VPS35L: variants seen among roughly 807,000 people sequenced by gnomAD.
VPS35L encodes VPS35 endosomal protein sorting factor like.
A neutral mutation model predicts 133.0 loss-of-function variants in VPS35L; 83 were observed. That is an observed-to-expected ratio of 0.62 (90% CI 0.52 to 0.75). The LOEUF (loss-of-function observed/expected upper bound fraction) is 0.75. Ranked by LOEUF, VPS35L falls within the 30% of genes least tolerant of loss-of-function variation. The pLI, the probability that VPS35L is intolerant of heterozygous loss-of-function variation, is 0.00. For missense variants in VPS35L, 1,083 were observed against 1,206.8 expected (o/e 0.90, Z 1.52); for synonymous variants, 423 against 449.9 (o/e 0.94, Z 0.76).
chr16:19,589,013 C>T (rs192402397), intron 7 of VPS35L, among the ~76,000 whole-genome samples: 319 of 152,246 alleles, frequency 2.1e-3, no homozygotes, highest in African/African-American at 7.3e-3. Flanking sequence ...TGCAGTTCCT[C>T]GATTACTAAT....
chr16:19,686,413 T>C (rs1330989944), intron 28 of VPS35L, among the ~76,000 whole-genome samples: 1 of 152,210 alleles, frequency 6.6e-6, no homozygotes, highest in East Asian at 1.9e-4. Flanking sequence ...ATGTTTGATG[T>C]AGAAGTGAAG....
chr16:19,610,287 C>G, intron 11 of VPS35L, 35 bp from the exon 12 acceptor site: 1 of 1,553,236 alleles, frequency 6.4e-7, no homozygotes, highest in Non-Finnish European at 8.9e-7. Context: ...GTTCTCACGT[C>G]GAATATAATG....
intron 4 of VPS35L, 75 bp from the exon 5 acceptor site, chr16:19,575,023 A>G: frequency 7.9e-7 from 1 of 1,268,380 alleles, no homozygotes; most frequent in Non-Finnish European, 1.1e-6. Flanking sequence ...TTGGGTATGT[A>G]AATGGCTCTG....
intron 1 of VPS35L, among the ~76,000 whole-genome samples, 161 bp from the exon 2 acceptor site, chr16:19,564,690 C>T (rs541571880): frequency 1.3e-5 from 2 of 152,300 alleles, no homozygotes; most frequent in African/African-American, 2.4e-5. Context: ...TGAGCCACTG[C>T]GCCTGGCCAA....
intron 28 of VPS35L, among the ~76,000 whole-genome samples, chr16:19,689,912 A>G (rs934039633): frequency 6.6e-6 from 1 of 152,064 alleles, no homozygotes; most frequent in Non-Finnish European, 1.5e-5. Context: ...ACGAAGATTT[A>G]TTTTATTTTG....
chr16:19,615,631 CA>C (rs1972861705), intron 12 of VPS35L, among the ~76,000 whole-genome samples: 1 of 148,402 alleles, frequency 6.7e-6, no homozygotes, highest in African/African-American at 2.5e-5. Context: ...CCCTGGGCAA[CA>C]GAGCGAGACT....
At chr16:19,622,725 C>G (rs1020098245) in intron 14 of VPS35L, among the ~76,000 whole-genome samples, 1 of 152,152 alleles carries the variant, frequency 6.6e-6, no homozygotes, top group Non-Finnish European at 1.5e-5. Context: ...CTCTTTTCCT[C>G]TCTTAGCCTT....
At chr16:19,681,733 A>G (rs1390240463) in intron 27 of VPS35L, among the ~76,000 whole-genome samples, 1 of 152,096 alleles carries the variant, frequency 6.6e-6, no homozygotes, top group East Asian at 1.9e-4. Context: ...ACCGTTGTTG[A>G]GCATCCCAAA....
Position 19,633,586 on chromosome 16 carries a change from C to T in VPS35L, c.1635+414C>T, listed in dbSNP as rs555283648. ...GGCTGGAGTGCAGTGGTGCGATCACCGCTTGGCACAGCCTCGACTTCCTGG... is the reference window on the plus strand; with the variant it reads ...GGCTGGAGTGCAGTGGTGCGATCACTGCTTGGCACAGCCTCGACTTCCTGG... On this transcript the variant is annotated intron_variant, in intron 19 of 30. Coordinates refer to ENST00000417362, the MANE Select transcript of VPS35L (RefSeq NM_020314.7). The surrounding 1 kb of genome is among the most constrained non-coding windows in gnomAD (Gnocchi z 4.1). Among the ~76,000 whole-genome samples the T allele has an allele frequency of 4.3e-3, 650 of 151,536 alleles. 2 individuals are homozygous for T. The highest frequency in any genetic ancestry group is 7.9e-3 in the Non-Finnish European group (533 of 67,886).
chr16:19,635,165 C>A (rs997087604), intron 19 of VPS35L, among the ~76,000 whole-genome samples: 2 of 151,828 alleles, frequency 1.3e-5, no homozygotes, highest in African/African-American at 4.8e-5. Flanking sequence ...ATAGCAAGAC[C>A]CTATCTCTGC....
chr16:19,626,364 C>G, intron 15 of VPS35L, 141 bp downstream of exon 15: 1 of 733,406 alleles, frequency 1.4e-6, no homozygotes, highest in Non-Finnish European at 2.4e-6. Flanking sequence ...AGTCCGGTTG[C>G]CTGGCCTCAG....
At chr16:19,645,443 C>T (rs1216478293) in intron 23 of VPS35L, among the ~76,000 whole-genome samples, 2 of 152,128 alleles carry the variant, frequency 1.3e-5, no homozygotes, top group Admixed American at 6.6e-5. Flanking sequence ...GCGCCCGGCA[C>T]CACGCCCGGC....
At chr16:19,600,047 G>A (rs561488059) in intron 8 of VPS35L, among the ~76,000 whole-genome samples, 33 of 152,094 alleles carry the variant, frequency 2.2e-4, no homozygotes, top group African/African-American at 7.7e-4. Flanking sequence ...CTAAGTGAAT[G>A]AAGGAATGAA....
chr16:19,633,354 C>T lies in VPS35L; in HGVS notation c.1635+182C>T, dbSNP rs1267319281. ...TAACCTTGTTGTGCCCCAGTTTTCTCACCTGTGAAATGGAGATAGTAATAG... is the reference window on the plus strand; with the variant it reads ...TAACCTTGTTGTGCCCCAGTTTTCTTACCTGTGAAATGGAGATAGTAATAG... On this transcript the variant is annotated intron_variant, in intron 19 of 30. Transcript: ENST00000417362. The surrounding 1 kb of genome is among the most constrained non-coding windows in gnomAD (Gnocchi z 4.1). Among the ~76,000 whole-genome samples the T allele has an allele frequency of 6.6e-6, 1 of 152,192 alleles. No homozygotes were observed. Among genetic ancestry groups the T allele is most frequent in the Non-Finnish European group, 1.5e-5 (1 of 68,032 alleles).
At chr16:19,688,461 G>A (rs1429120854) in intron 28 of VPS35L, among the ~76,000 whole-genome samples, 1 of 152,190 alleles carries the variant, frequency 6.6e-6, no homozygotes, top group African/African-American at 2.4e-5. Context: ...TGGATTAGCC[G>A]TGTGCACTTG....
At chr16:19,583,165 TAG>T (rs1446435094) in intron 7 of VPS35L, among the ~76,000 whole-genome samples, 2 of 152,164 alleles carry the variant, frequency 1.3e-5, no homozygotes, top group East Asian at 1.9e-4. Context: ...ACTTAACTTA[TAG>T]AGTTGTGCAA....
intron 15 of VPS35L, 80 bp from the exon 16 acceptor site, chr16:19,627,614 T>C: frequency 8.8e-7 from 1 of 1,137,296 alleles, no homozygotes; most frequent in Non-Finnish European, 1.3e-6. Context: ...TAGTCTTCCT[T>C]CCTGGCAATA....
intron 3 of VPS35L, among the ~76,000 whole-genome samples, chr16:19,570,668 C>T (rs1327906741): frequency 2.0e-5 from 3 of 151,178 alleles, no homozygotes; most frequent in African/African-American, 2.4e-5. Context: ...TTCCGGAGTG[C>T]GTTTTGTATT....
At chr16:19,593,745 C>T (rs535978568) in intron 8 of VPS35L, among the ~76,000 whole-genome samples, 14 of 152,046 alleles carry the variant, frequency 9.2e-5, no homozygotes, top group African/African-American at 2.9e-4. Flanking sequence ...GGTGAAACCC[C>T]GTCTCTACTA....
Sources: allele counts gnomAD v4.1 joint callset (sites outside exome capture counted in the v4.1 genomes callset), GRCh38; gene constraint gnomAD v4.1.1; non-coding constraint Gnocchi (gnomAD v3.1); transcripts MANE v1.5; gene names NCBI Gene and HGNC (gene_info 2026-07-23, HGNC 2026-07-21).